SYT1: variants seen among roughly 807,000 people sequenced by gnomAD.
SYT1 encodes synaptotagmin-1.
SYT1 carries 8 observed loss-of-function variants against 44.8 expected under a neutral mutation model. The observed-to-expected ratio is 0.18, with a 90% CI of 0.10 to 0.32. SYT1 has a LOEUF of 0.32. Ranked by LOEUF, SYT1 falls within the 10% of genes least tolerant of loss-of-function variation. SYT1 has a pLI of 1.00. For synonymous variants in SYT1, 154 were observed against 188.8 expected (o/e 0.82, Z 1.51); for missense variants, 286 against 509.3 (o/e 0.56, Z 4.22).
At chr12:78,937,822 A>G (rs1010597184) in intron 1 of SYT1, among the ~76,000 whole-genome samples, 3 of 152,196 alleles carry the variant, frequency 2.0e-5, no homozygotes, top group Non-Finnish European at 4.4e-5. Context: ...AAATGTCAGT[A>G]AGAAAAGCTA....
In SYT1 at chr12:79,285,889, A is replaced by G. The variant is rs199801138; in HGVS notation, c.269A>G (p.Lys90Arg). ...CKKCLFKKKN[K>R]KKGKEKGGKN... ...AAATGTTTGTTCAAAAAGAAAAACA[A>G]GAAGAAGGGAAAGGAAAAAGGAGGG... The change falls in exon 5 of 11, where the codon AAG (lysine) becomes AGG (arginine). Residue 90 changes from lysine to arginine, a missense_variant. Coordinates refer to ENST00000261205, the MANE Select transcript of SYT1 (RefSeq NM_005639.3). 1.7e-5 allele frequency: 27 copies of G among 1,613,942 alleles called. No individual in the cohort carries two copies. Among genetic ancestry groups the G allele is most frequent in the Non-Finnish European group, 2.5e-6 (3 of 1,179,954 alleles).
At chr12:79,063,841 C>T (rs1875564900) in intron 3 of SYT1, among the ~76,000 whole-genome samples, 1 of 152,138 alleles carries the variant, frequency 6.6e-6, no homozygotes, top group African/African-American at 2.4e-5. Context: ...CTCACCCTTC[C>T]AAAAAGTATC....
At chr12:78,976,020 G>T (rs1043449857) in intron 1 of SYT1, among the ~76,000 whole-genome samples, 16 of 152,270 alleles carry the variant, frequency 1.1e-4, no homozygotes, top group African/African-American at 3.9e-4. Flanking sequence ...AACAAACAGT[G>T]TTGGTGATGT....
chr12:78,887,723 T>G (rs547670863), intron 1 of SYT1, among the ~76,000 whole-genome samples: 42 of 152,042 alleles, frequency 2.8e-4, no homozygotes, highest in African/African-American at 1.0e-3. Context: ...CATCTTTATA[T>G]CCAAAATTAT....
At chr12:79,013,638 A>G (rs1445297644) in intron 2 of SYT1, among the ~76,000 whole-genome samples, 1 of 152,228 alleles carries the variant, frequency 6.6e-6, no homozygotes, top group Non-Finnish European at 1.5e-5. Flanking sequence ...AGGTCTTAAT[A>G]AAAATATCCA....
At chr12:78,923,711 G>C (rs557398306) in intron 1 of SYT1, among the ~76,000 whole-genome samples, 118 of 150,654 alleles carry the variant, frequency 7.8e-4, no homozygotes, top group South Asian at 2.5e-3. Flanking sequence ...CTCTCTCTCT[G>C]TGTGTGTGTA....
intron 1 of SYT1, among the ~76,000 whole-genome samples, chr12:78,935,001 C>A (rs1877974840): frequency 6.6e-6 from 1 of 152,076 alleles, no homozygotes; most frequent in Non-Finnish European, 1.5e-5. Context: ...CATGCCTCGC[C>A]CGAGTCTATA....
intron 9 of SYT1, among the ~76,000 whole-genome samples, chr12:79,390,910 C>T (rs1884631780): frequency 6.6e-6 from 1 of 152,198 alleles, no homozygotes; most frequent in Non-Finnish European, 1.5e-5. Flanking sequence ...TGACTTGCTA[C>T]AGTCTAGACT....
chr12:78,874,812 T>A (rs2137041160), intron 1 of SYT1, among the ~76,000 whole-genome samples: 1 of 151,726 alleles, frequency 6.6e-6, no homozygotes, highest in South Asian at 2.1e-4. Flanking sequence ...ACGACTGGTA[T>A]GATTATACCA....
intron 9 of SYT1, among the ~76,000 whole-genome samples, chr12:79,385,573 A>G (rs1261798800): frequency 2.6e-5 from 4 of 152,140 alleles, no homozygotes; most frequent in Non-Finnish European, 4.4e-5. Flanking sequence ...GTAGCATGCT[A>G]TAATTTATAA....
chr12:79,166,569 A>G (rs780890467), intron 3 of SYT1, among the ~76,000 whole-genome samples: 3 of 151,974 alleles, frequency 2.0e-5, no homozygotes, highest in Non-Finnish European at 4.4e-5. Flanking sequence ...ATTTAATTTT[A>G]TTTTTATGGT....
intron 3 of SYT1, among the ~76,000 whole-genome samples, chr12:79,156,752 C>T (rs1207844143): frequency 6.6e-6 from 1 of 152,202 alleles, no homozygotes; most frequent in Non-Finnish European, 1.5e-5. Flanking sequence ...CAGGCGTGAG[C>T]CACCGCACCT....
chr12:78,985,997 T>C (rs1869615122), intron 2 of SYT1, among the ~76,000 whole-genome samples: 1 of 152,076 alleles, frequency 6.6e-6, no homozygotes, highest in Admixed American at 6.6e-5. Flanking sequence ...ATAAAAATTA[T>C]ATGCAGTTTT....
In SYT1 at chr12:79,386,062, T is replaced by C. The variant is rs116845344; in HGVS notation, c.928+32443T>C. ...TGCTGCAGTGCTGCCTAGCTGCTAC[T>C]TTAAACCAACACTGGCTCATCTGGG... On this transcript the variant is annotated intron_variant, in intron 9 of 10. Transcript: ENST00000261205. Among the ~76,000 whole-genome samples, 793 of 152,340 alleles carry C rather than the reference T, an allele frequency of 5.2e-3. 6 individuals carry two copies. Among genetic ancestry groups the C allele is most frequent in the Middle Eastern group, 0.01 (3 of 294 alleles).
chr12:79,374,286 CTG>C (rs1185304266), intron 9 of SYT1, among the ~76,000 whole-genome samples: 2 of 152,090 alleles, frequency 1.3e-5, no homozygotes, highest in African/African-American at 4.8e-5. Context: ...TTTTTCCACA[CTG>C]GAGATCAGAG....
chr12:79,181,260 G>T (rs1315318583), intron 3 of SYT1, among the ~76,000 whole-genome samples: 1 of 151,982 alleles, frequency 6.6e-6, no homozygotes, highest in Non-Finnish European at 1.5e-5. Context: ...AGGTTCAAAT[G>T]ATATCAGTAT....
At chr12:79,271,035 T>C (rs1878395522) in intron 4 of SYT1, among the ~76,000 whole-genome samples, 2 of 152,208 alleles carry the variant, frequency 1.3e-5, no homozygotes, top group African/African-American at 4.8e-5. Flanking sequence ...AGGTGTGAGA[T>C]TCAATGAATG....
Position 79,092,422 on chromosome 12 carries a change from G to A in SYT1, c.-18+45060G>A, listed in dbSNP as rs1306292542. Among the ~76,000 whole-genome samples, 4 of 151,458 alleles carry A rather than the reference G, an allele frequency of 2.6e-5. 1 individual carries two copies. Among genetic ancestry groups the A allele is most frequent in the Admixed American group, 2.6e-4 (4 of 15,148 alleles). ...ACAAATAGTCTCCAAACTCTGGAGG[G>A]ATCAGGTAGGGAGAAAAAAAAATTT... On this transcript the variant is annotated intron_variant, in intron 3 of 10. Coordinates refer to ENST00000261205, the MANE Select transcript of SYT1 (RefSeq NM_005639.3).
At chr12:79,345,049 C>G (rs1054254979) in intron 8 of SYT1, among the ~76,000 whole-genome samples, 5 of 152,074 alleles carry the variant, frequency 3.3e-5, no homozygotes, top group African/African-American at 1.2e-4. Flanking sequence ...AACACTCATG[C>G]CCTCTTGTGG....
Sources: allele counts gnomAD v4.1 joint callset (sites outside exome capture counted in the v4.1 genomes callset), GRCh38; gene constraint gnomAD v4.1.1; transcripts MANE v1.5; gene names NCBI Gene and HGNC (gene_info 2026-07-23, HGNC 2026-07-21).